The following TTLL5 variants were observed in gnomAD, a reference collection of about 807,000 sequenced individuals.
TTLL5 encodes tubulin tyrosine ligase like 5, also known as tubulin polyglutamylase TTLL5.
Under a neutral mutation model 168.4 loss-of-function variants are expected in TTLL5, and 132 were observed. The ratio of observed to expected loss-of-function variants is 0.78; its 90% CI spans 0.68 to 0.91. TTLL5 has a LOEUF of 0.91. TTLL5 is among the 40% of genes least tolerant of loss of function. The pLI, the probability that TTLL5 is intolerant of heterozygous loss-of-function variation, is 0.00. For synonymous variants in TTLL5, 546 were observed against 558.6 expected, an observed-to-expected ratio of 0.98 and a Z score of 0.32; for missense variants, 1,545 against 1,581.5, an observed-to-expected ratio of 0.98 and a Z score of 0.39.
chr14:75,954,722 A>AT lies in TTLL5; in HGVS notation c.*277dup, dbSNP rs1249068076. 1.2e-5 allele frequency: 6 copies of AT among 494,604 alleles called. No homozygotes were observed. The highest frequency in any genetic ancestry group is 2.2e-5 in the Non-Finnish European group (6 of 276,560). The allele number at this position is 494,604 out of a possible 1,614,324, so 30.6% of individuals were successfully genotyped here. Reference sequence around the variant, plus strand: ...ATATACCCCGTCAGAGCACACTTGTATCTTTTACCTTCCCTTTGCCCCATG... The same window carrying AT: ...ATATACCCCGTCAGAGCACACTTGTATTCTTTTACCTTCCCTTTGCCCCATG... On this transcript the variant is annotated 3_prime_UTR_variant, in exon 32 of 32. Transcript: ENST00000298832.
At chr14:75,663,334 C>G in intron 2 of TTLL5, 111 bp downstream of exon 2, 1 of 1,048,266 alleles carries the variant, frequency 9.5e-7, no homozygotes, top group Non-Finnish European at 1.4e-6. Context: ...ACTCTTTTAT[C>G]TAGTGTCATT....
rs961249586 is a variant in TTLL5, at chr14:75,759,280, T to G, written c.1551-5335T>G. On this transcript the variant is annotated intron_variant, in intron 18 of 31. Coordinates refer to ENST00000298832, the MANE Select transcript of TTLL5 (RefSeq NM_015072.5). ...CATTACTTTGACAGCTTAGTTGAAA[T>G]GACAATTCTTTGTGGTGGTGGGAAA... Among the ~76,000 whole-genome samples, 13 of 152,288 alleles carry G rather than the reference T, an allele frequency of 8.5e-5. No homozygotes were observed. In the East Asian group the frequency reaches 2.5e-3, roughly 29 times the overall value.
chr14:75,733,975 C>A lies in TTLL5; in HGVS notation c.1125-14C>A, dbSNP rs755497945. 6 of 1,613,264 alleles carry A rather than the reference C, an allele frequency of 3.7e-6. No homozygotes were observed. The African/African-American group carries it at 8.0e-5, about 22-fold the overall frequency. On this transcript the variant is annotated splice_polypyrimidine_tract_variant and intron_variant, in intron 13 of 31. Coordinates refer to ENST00000298832, the MANE Select transcript of TTLL5 (RefSeq NM_015072.5). ...ACACTTATCAATTGCTCTTTTCTTT[C>A]TCTGTTCTGTTAGTGATGCGCCTCT... is the stretch of plus-strand genomic sequence containing the variant.
At chr14:75,687,181 A>G (rs578106688) in intron 5 of TTLL5, among the ~76,000 whole-genome samples, 1 of 152,246 alleles carries the variant, frequency 6.6e-6, no homozygotes, top group Non-Finnish European at 1.5e-5. Flanking sequence ...AAGAAAACAT[A>G]GACAAGATCT....
chr14:75,863,678 CAG>C lies in TTLL5; in HGVS notation c.3339_3340del (p.Gly1115IlefsTer41), dbSNP rs1595168879. The C allele has an allele frequency of 1.2e-5, 19 of 1,609,174 alleles. No individual in the cohort carries two copies. Among genetic ancestry groups the C allele is most frequent in the Non-Finnish European group, 1.6e-5 (19 of 1,177,666 alleles). Reference sequence around the variant, plus strand: ...GCTTTTCTCTTCAGGAGCCTGCAGACAGGGGGATTTGCCTGGGAAGGAGAAGT... The same window carrying C: ...GCTTTTCTCTTCAGGAGCCTGCAGACGGGGATTTGCCTGGGAAGGAGAAGT... On this transcript the variant is annotated frameshift_variant, in exon 29 of 32. Coordinates refer to ENST00000298832, the MANE Select transcript of TTLL5 (RefSeq NM_015072.5). LOFTEE classifies it high-confidence loss of function.
At chr14:75,926,982 C>T (rs1231931022) in intron 31 of TTLL5, among the ~76,000 whole-genome samples, 1 of 152,198 alleles carries the variant, frequency 6.6e-6, no homozygotes, top group Non-Finnish European at 1.5e-5. Context: ...GGAACTGGGG[C>T]TGGCGGGGGC....
intron 27 of TTLL5, among the ~76,000 whole-genome samples, chr14:75,814,095 G>A (rs1894233575): frequency 6.6e-6 from 1 of 152,164 alleles, no homozygotes; most frequent in Non-Finnish European, 1.5e-5. Context: ...GATATTTCAA[G>A]TTTTCAGATT....
Position 75,766,196 on chromosome 14 carries a change from C to A in TTLL5, c.1843C>A (p.Gln615Lys), listed in dbSNP as rs780994290. 1 of 1,614,024 alleles carries A rather than the reference C, an allele frequency of 6.2e-7. No homozygotes were observed. Among genetic ancestry groups the A allele is most frequent in the Non-Finnish European group, 8.5e-7 (1 of 1,179,978 alleles). Reference protein sequence around the residue: ...EESAGFLRENQAKYTPSLTAL... With the variant: ...EESAGFLRENKAKYTPSLTAL... ...GTCTGCAGGATTTCTTAGAGAAAAT[C>A]AAGCCAAATATACACCCTCATTGAC... Residue 615 changes from glutamine to lysine, a missense_variant, in exon 20 of 32, where the codon CAA (glutamine) becomes AAA (lysine). Coordinates refer to ENST00000298832, the MANE Select transcript of TTLL5 (RefSeq NM_015072.5).
intron 19 of TTLL5, 110 bp downstream of exon 19, chr14:75,764,882 A>T: frequency 8.0e-7 from 1 of 1,244,414 alleles, no homozygotes; most frequent in Admixed American, 2.5e-5. Flanking sequence ...GATCACATAC[A>T]CCTTTTTTAT....
intron 28 of TTLL5, among the ~76,000 whole-genome samples, chr14:75,831,486 T>C (rs1393357514): frequency 6.6e-6 from 1 of 152,178 alleles, no homozygotes; most frequent in Non-Finnish European, 1.5e-5. Context: ...GGAGTCTTGC[T>C]TCTCTACCCT....
intron 27 of TTLL5, chr14:75,818,469 T>C (rs1457163766): frequency 4.9e-6 from 2 of 405,306 alleles, no homozygotes; most frequent in Non-Finnish European, 9.5e-6. Context: ...CGTGTTCCTA[T>C]ATCATTATTT....
Position 75,737,262 on chromosome 14 carries a change from G to A in TTLL5, c.1281+1973G>A, listed in dbSNP as rs533790022. On this transcript the variant is annotated intron_variant, in intron 15 of 31. Coordinates refer to ENST00000298832, the MANE Select transcript of TTLL5 (RefSeq NM_015072.5). ...TAAAGGCTAAAGGAACTGTAGATTG[G>A]TCATGTGTACTGTGTGAAACCAGTT... is the stretch of plus-strand genomic sequence containing the variant. 1.4e-3 allele frequency among the ~76,000 whole-genome samples: 211 copies of A among 152,304 alleles called. 1 individual carries two copies. Among genetic ancestry groups the A allele is most frequent in the Middle Eastern group, 6.8e-3 (2 of 294 alleles).
Position 75,681,555 on chromosome 14 carries a change from T to C in TTLL5, c.192T>C (p.His64=). 6.2e-7 allele frequency: 1 copy of C among 1,613,190 alleles called. No individual in the cohort carries two copies. Among genetic ancestry groups the C allele is most frequent in the Non-Finnish European group, 8.5e-7 (1 of 1,179,824 alleles). Residue 64 remains histidine (H), a synonymous_variant, in exon 4 of 32, where the codon CAT becomes CAC. Transcript: ENST00000298832. ...NNIRVIGERY[H]LSYKIVRTDS... ...TCTGTTTTTCTTTAGAACGTTATCA[T>C]TTGTCTTATAAGATTGTACGAACGG...
chr14:75,761,210 A>G (rs761713190), intron 18 of TTLL5, among the ~76,000 whole-genome samples: 1 of 152,216 alleles, frequency 6.6e-6, no homozygotes, highest in Non-Finnish European at 1.5e-5. Context: ...AGAATGGCAG[A>G]TATTATACTG....
At chr14:75,856,975 A>AT (rs1897162542) in intron 28 of TTLL5, among the ~76,000 whole-genome samples, 1 of 152,220 alleles carries the variant, frequency 6.6e-6, no homozygotes, top group African/African-American at 2.4e-5. Flanking sequence ...TTTCTAGAAT[A>AT]TAAAAATATG....
chr14:75,799,993 C>CAGAA (rs1893196368), intron 27 of TTLL5, among the ~76,000 whole-genome samples: 1 of 152,162 alleles, frequency 6.6e-6, no homozygotes, highest in Non-Finnish European at 1.5e-5. Context: ...TTGAGCTTCT[C>CAGAA]CTGTTTGGAT....
chr14:75,828,401 A>T (rs1332860702), intron 28 of TTLL5, among the ~76,000 whole-genome samples: 1 of 29,562 alleles, frequency 3.4e-5, no homozygotes, highest in East Asian at 1.5e-3. Flanking sequence ...TGAATAGTAA[A>T]TATATTATTT....
At chr14:75,702,950 C>T (rs1312794817) in intron 7 of TTLL5, among the ~76,000 whole-genome samples, 1 of 152,134 alleles carries the variant, frequency 6.6e-6, no homozygotes, top group East Asian at 1.9e-4. Context: ...GGAATTTTAC[C>T]ACCTTTTACC....
At chr14:75,949,545 C>T (rs2034889726) in intron 31 of TTLL5, among the ~76,000 whole-genome samples, 1 of 150,840 alleles carries the variant, frequency 6.6e-6, no homozygotes, top group South Asian at 2.1e-4. Context: ...CCTACATGTT[C>T]GTGGATTAAA....
Sources: allele counts gnomAD v4.1 joint callset (sites outside exome capture counted in the v4.1 genomes callset), GRCh38; gene constraint gnomAD v4.1.1; transcripts MANE v1.5; gene names NCBI Gene and HGNC (gene_info 2026-07-23, HGNC 2026-07-21).